The following SNX10 variants were observed in gnomAD, a reference collection of about 807,000 sequenced individuals.
SNX10 encodes sorting nexin-10.
In SNX10, 25 loss-of-function variants were observed where a neutral mutation model predicts 28.5. The ratio of observed to expected loss-of-function variants is 0.88; its 90% CI spans 0.64 to 1.22. The LOEUF (loss-of-function observed/expected upper bound fraction) is 1.22, where lower values mean the gene tolerates loss of function less well. Ranked by LOEUF, SNX10 falls within the 50% of genes most tolerant of loss-of-function variation. The pLI is 0.00. For missense variants in SNX10, 223 were observed against 242.6 expected (o/e 0.92, Z 0.54); for synonymous variants, 62 against 81.4 (o/e 0.76, Z 1.28).
intron 1 of SNX10, among the ~76,000 whole-genome samples, chr7:26,332,785 G>A (rs772756946): frequency 9.2e-5 from 14 of 152,242 alleles, no homozygotes; most frequent in African/African-American, 2.4e-4. Context: ...ATTCTTTTGC[G>A]TGTGGCTATC....
intron 1 of SNX10, among the ~76,000 whole-genome samples, chr7:26,293,356 A>C (rs1785997792): frequency 6.6e-6 from 1 of 151,964 alleles, no homozygotes; most frequent in South Asian, 2.1e-4. Flanking sequence ...GCGGGCCACC[A>C]CACCCCTGGC....
At chr7:26,309,606 G>A (rs115022375) in intron 1 of SNX10, among the ~76,000 whole-genome samples, 1 of 152,074 alleles carries the variant, frequency 6.6e-6, no homozygotes. Flanking sequence ...GGCTTCTCCC[G>A]GGTTCATGTA....
intron 1 of SNX10, among the ~76,000 whole-genome samples, chr7:26,306,109 G>T (rs1681354724): frequency 6.7e-6 from 1 of 150,146 alleles, no homozygotes; most frequent in African/African-American, 2.5e-5. Flanking sequence ...TCGCCAGGTT[G>T]GCCAGGCTGG....
chr7:26,356,274 T>G (rs564574209), intron 2 of SNX10, among the ~76,000 whole-genome samples: 51 of 152,350 alleles, frequency 3.3e-4, no homozygotes, highest in Non-Finnish European at 6.3e-4. Flanking sequence ...CCACTCTGCC[T>G]GGCTTTCTCA....
chr7:26,364,461 T>C lies in SNX10; in HGVS notation c.112-74T>C. 6.7e-7 allele frequency: 1 copy of C among 1,502,420 alleles called. No homozygotes were observed. Among genetic ancestry groups the C allele is most frequent in the South Asian group, 1.4e-5 (1 of 73,106 alleles). 93.1% of individuals were successfully genotyped at this position (1,502,420 alleles called of 1,614,324 possible). On this transcript the variant is annotated intron_variant, in intron 3 of 6. Transcript: ENST00000338523. The surrounding 1 kb of genome is among the most constrained non-coding windows in gnomAD (Gnocchi z 4.9). Reference sequence around the variant, plus strand: ...CTATTTAGAGTGAATGTTGAGATCATATTGTGAATTATAGATACAAGAAAT... The same window carrying C: ...CTATTTAGAGTGAATGTTGAGATCACATTGTGAATTATAGATACAAGAAAT...
chr7:26,327,870 C>T (rs914959500), intron 1 of SNX10, among the ~76,000 whole-genome samples: 8 of 151,264 alleles, frequency 5.3e-5, no homozygotes, highest in African/African-American at 1.9e-4. Context: ...GCTGGGACTA[C>T]AGGTGCCTGC....
chr7:26,369,078 T>C (rs908260646), intron 5 of SNX10, among the ~76,000 whole-genome samples: 1 of 152,184 alleles, frequency 6.6e-6, no homozygotes, highest in Non-Finnish European at 1.5e-5. Flanking sequence ...AAAACTGTTA[T>C]GGGGAAAGGA....
intron 6 of SNX10, 83 bp downstream of exon 6, chr7:26,372,116 C>A: frequency 1.1e-6 from 1 of 880,080 alleles, no homozygotes; most frequent in Non-Finnish European, 1.7e-6. Flanking sequence ...GATATATATA[C>A]ACACTTCACT....
At chr7:26,300,816 C>T (rs946770382) in intron 1 of SNX10, among the ~76,000 whole-genome samples, 3 of 151,820 alleles carry the variant, frequency 2.0e-5, no homozygotes, top group African/African-American at 4.8e-5. Flanking sequence ...CTCAGGAGTT[C>T]GAGACCAGCC....
intron 1 of SNX10, among the ~76,000 whole-genome samples, chr7:26,320,053 C>T (rs1329693850): frequency 6.6e-6 from 1 of 152,058 alleles, no homozygotes; most frequent in Non-Finnish European, 1.5e-5. Context: ...GCAATCTCGG[C>T]TCACTGCAAC....
At position 26,364,457 on chromosome 7, in the gene SNX10, A is replaced by G; in HGVS notation, c.112-78A>G. The G allele has an allele frequency of 6.7e-7, 1 of 1,495,420 alleles. No individual in the cohort carries two copies. The highest frequency in any genetic ancestry group is 1.4e-5 in the African/African-American group (1 of 71,786). The allele number at this position is 1,495,420 out of a possible 1,614,324, so 92.6% of individuals were successfully genotyped here. On this transcript the variant is annotated intron_variant, in intron 3 of 6. Transcript: ENST00000338523. The surrounding 1 kb of genome is among the most constrained non-coding windows in gnomAD (Gnocchi z 4.9). ...AATCCTATTTAGAGTGAATGTTGAG[A>G]TCATATTGTGAATTATAGATACAAG...
At chr7:26,322,401 A>T (rs1278785875) in intron 1 of SNX10, among the ~76,000 whole-genome samples, 3 of 152,248 alleles carry the variant, frequency 2.0e-5, no homozygotes, top group African/African-American at 7.2e-5. Context: ...AAAATAAGAA[A>T]GACATAATCT....
chr7:26,298,399 G>A (rs1172955378), intron 1 of SNX10, among the ~76,000 whole-genome samples: 2 of 152,176 alleles, frequency 1.3e-5, no homozygotes, highest in African/African-American at 4.8e-5. Context: ...GATAAGTGTG[G>A]ATTAAAAACC....
intron 1 of SNX10, among the ~76,000 whole-genome samples, chr7:26,325,328 T>TATATATATATATATATATATA (rs56716262): frequency 1.6e-3 from 201 of 122,968 alleles, no homozygotes; most frequent in Non-Finnish European, 2.1e-3. Flanking sequence ...TATATATATA[T>TATATATATATATATATATATA]TTGAGATGGA....
intron 1 of SNX10, among the ~76,000 whole-genome samples, chr7:26,306,666 A>G (rs952211762): frequency 6.6e-6 from 1 of 152,040 alleles, no homozygotes; most frequent in Admixed American, 6.5e-5. Context: ...CTCCCAAAGC[A>G]CTGGGATTAC....
intron 1 of SNX10, among the ~76,000 whole-genome samples, chr7:26,309,737 C>G (rs1786746626): frequency 6.6e-6 from 1 of 152,044 alleles, no homozygotes; most frequent in Admixed American, 6.5e-5. Flanking sequence ...AAGGGGGATG[C>G]TTGGGTGCCC....
intron 1 of SNX10, among the ~76,000 whole-genome samples, chr7:26,302,837 C>A (rs1179396499): frequency 6.6e-6 from 1 of 152,040 alleles, no homozygotes; most frequent in African/African-American, 2.4e-5. Context: ...TCACCTGAGG[C>A]CCGGAGTTTG....
Position 26,341,421 on chromosome 7 carries a change from C to T in SNX10, c.-23-4999C>T, listed in dbSNP as rs574086246. Among the ~76,000 whole-genome samples the T allele has an allele frequency of 2.6e-3, 400 of 152,072 alleles. 3 individuals carry two copies. Among genetic ancestry groups the T allele is most frequent in the Non-Finnish European group, 4.8e-3 (323 of 67,990 alleles). On this transcript the variant is annotated intron_variant, in intron 1 of 6. Transcript: ENST00000338523. ...AAGAGAGAGAATACTCTAGAGACAG[C>T]CTAGCAGAGGACACTGGGAGGCAGA...
chr7:26,352,383 AC>A (rs1409434008), intron 2 of SNX10, among the ~76,000 whole-genome samples: 1 of 152,182 alleles, frequency 6.6e-6, no homozygotes, highest in Non-Finnish European at 1.5e-5. Flanking sequence ...ATCAATAGCC[AC>A]AACATTCCAC....
Sources: gnomAD v4.1 joint callset for allele counts (sites outside exome capture counted in the v4.1 genomes callset) on GRCh38, gnomAD v4.1.1 for gene constraint, Gnocchi (gnomAD v3.1) non-coding constraint, MANE v1.5 for transcripts, NCBI Gene and HGNC (gene_info 2026-07-23, HGNC 2026-07-21) for gene names.